Variants in ICE1 observed in about 807,000 individuals in gnomAD.
ICE1 encodes the protein little elongation complex subunit 1.
A neutral mutation model predicts 192.7 loss-of-function variants in ICE1; 64 were observed. That is an observed-to-expected ratio of 0.33 (90% confidence interval 0.27 to 0.41). The LOEUF is 0.41. Ranked by LOEUF, ICE1 falls within the 10% of genes least tolerant of loss-of-function variation. The probability of loss-of-function intolerance (pLI) is 1.00; values close to 1 mark genes in which losing one functional copy is unlikely to be tolerated. For synonymous variants in ICE1, 1,010 were observed against 984.5 expected (o/e 1.03, Z -0.49); for missense variants, 2,708 against 2,696.0 (o/e 1.00, Z -0.10).
intron 12 of ICE1, among the ~76,000 whole-genome samples, chr5:5,460,074 C>G (rs1738721319): frequency 6.6e-6 from 1 of 152,162 alleles, no homozygotes; most frequent in African/African-American, 2.4e-5. Context: ...CAGAGGCCAG[C>G]AACCTGGGTC....
chr5:5,455,134 T>G (rs530784923), intron 11 of ICE1, among the ~76,000 whole-genome samples: 1 of 152,328 alleles, frequency 6.6e-6, no homozygotes, highest in East Asian at 1.9e-4. Context: ...TGCTTCTTAT[T>G]TAGCTTTTTG....
Position 5,486,743 on chromosome 5 carries a change from G to A in ICE1, c.6543G>A (p.Leu2181=). The change falls in exon 18 of 19, where the codon TTG becomes TTA. Residue 2181 remains leucine (L), a synonymous_variant. Transcript: ENST00000296564. ...TAGGTCGTTTAGGCCAATTGGGTTT[G>A]AAAGAAGGATTTCCATCTGCTGTGA... ...RLIGRLGQLG[L]KEGFPSAVKN... The A allele has an allele frequency of 6.2e-7, 1 of 1,600,864 alleles. No individual in the cohort carries two copies. Among genetic ancestry groups the A allele is most frequent in the Non-Finnish European group, 8.5e-7 (1 of 1,172,832 alleles).
At chr5:5,465,993 A>T (rs915175037) in intron 13 of ICE1, among the ~76,000 whole-genome samples, 1 of 152,226 alleles carries the variant, frequency 6.6e-6, no homozygotes. Flanking sequence ...TCATATACTC[A>T]CACAGATTAC....
chr5:5,461,745 G>C lies in ICE1; in HGVS notation c.2411G>C (p.Ser804Thr), dbSNP rs1357085198. 8.1e-6 allele frequency: 13 copies of C among 1,613,742 alleles called. No individual in the cohort carries two copies. In the South Asian group the frequency reaches 1.4e-4, roughly 18 times the overall value. ...TTATTAAGGAAAGGTGGCGAAGAAA[G>C]TCTGAGAGCCAAATCAGAACATGAA... ...SDLLRKGGEE[S>T]LRAKSEHEQK... Residue 804 changes from serine to threonine, a missense_variant, in exon 13 of 19, where the codon AGT (serine) becomes ACT (threonine). Ser to Thr is a moderately conservative substitution (Grantham distance 58, BLOSUM62 1). Around this residue, in one of 2 missense-constraint regions of ICE1, gnomAD observed 2,366 missense variants for 2,276.6 expected, o/e 1.04. Transcript: ENST00000296564.
intron 1 of ICE1, among the ~76,000 whole-genome samples, chr5:5,426,269 A>T (rs956567194): frequency 6.6e-6 from 1 of 152,040 alleles, no homozygotes; most frequent in Non-Finnish European, 1.5e-5. Flanking sequence ...AGATGGTGAA[A>T]CCCCGTCTCT....
At chr5:5,448,369 G>A (rs1204332390) in intron 10 of ICE1, among the ~76,000 whole-genome samples, 3 of 152,070 alleles carry the variant, frequency 2.0e-5, no homozygotes, top group Admixed American at 2.0e-4. Flanking sequence ...AAAAGTGGTG[G>A]TCACGGAACA....
At chr5:5,468,519 T>C (rs1739058553) in intron 14 of ICE1, among the ~76,000 whole-genome samples, 1 of 152,268 alleles carries the variant, frequency 6.6e-6, no homozygotes, top group Non-Finnish European at 1.5e-5. Flanking sequence ...ATGTGTTCAA[T>C]GAGTAAATGT....
intron 15 of ICE1, among the ~76,000 whole-genome samples, chr5:5,472,978 A>G (rs1473978417): frequency 1.3e-5 from 2 of 152,222 alleles, no homozygotes; most frequent in African/African-American, 4.8e-5. Context: ...CATTAACAGT[A>G]GTCAAAAGTG....
intron 16 of ICE1, among the ~76,000 whole-genome samples, chr5:5,475,552 C>T (rs1195706951): frequency 6.6e-6 from 1 of 152,216 alleles, no homozygotes; most frequent in East Asian, 1.9e-4. Flanking sequence ...CAGTTTTCCT[C>T]TGGCTTAGCT....
At chr5:5,480,405 A>G (rs1204526592) in intron 17 of ICE1, among the ~76,000 whole-genome samples, 1 of 151,418 alleles carries the variant, frequency 6.6e-6, no homozygotes, top group Non-Finnish European at 1.5e-5. Context: ...GCCCGCCACC[A>G]CGCCCGGCTA....
Position 5,463,125 on chromosome 5 carries a change from C to G in ICE1, c.3791C>G (p.Thr1264Ser), listed in dbSNP as rs372858748. 1.9e-6 allele frequency: 3 copies of G among 1,613,008 alleles called. No homozygotes were observed. The highest frequency in any genetic ancestry group is 2.5e-6 in the Non-Finnish European group (3 of 1,179,534). The change falls in exon 13 of 19, where the codon ACC becomes AGC. Residue 1264 changes from threonine to serine, a missense_variant. Around this residue, in one of 2 missense-constraint regions of ICE1, gnomAD observed 2,366 missense variants for 2,276.6 expected, o/e 1.04. Coordinates refer to ENST00000296564, the MANE Select transcript of ICE1 (RefSeq NM_015325.3). ...CSLETLSEVL[T>S]KIRQELQTNS... ...TTGGAAACTCTGTCTGAGGTTCTGA[C>G]CAAGATTAGGCAAGAACTTCAAACA...
intron 17 of ICE1, among the ~76,000 whole-genome samples, chr5:5,479,613 T>C (rs1402756363): frequency 2.0e-5 from 3 of 152,182 alleles, no homozygotes; most frequent in Non-Finnish European, 4.4e-5. Context: ...CAAAGAATTA[T>C]AAATCATTCC....
intron 18 of ICE1, among the ~76,000 whole-genome samples, chr5:5,488,627 T>C (rs1474617098): frequency 7.0e-6 from 1 of 143,362 alleles, no homozygotes; most frequent in African/African-American, 2.6e-5. Flanking sequence ...ATGTATAACT[T>C]AGCTGTAATC....
rs1279130466 is a variant in ICE1 at position 5,454,627 on chromosome 5, G to A, written c.680G>A (p.Arg227Lys). ...TTHRLPGEGS[R>K]CVPEKPAKAI... ...CACAGACTACCTGGTGAAGGCAGCA[G>A]GTGTGTCCCAGGTGAGAGAGAAGCT... Residue 227 changes from arginine (R) to lysine (K), a missense_variant, in exon 11 of 19, where the codon AGG (arginine) becomes AAG (lysine). Arg to Lys is a conservative substitution (Grantham distance 26). Around this residue, in one of 2 missense-constraint regions of ICE1, gnomAD observed 2,366 missense variants for 2,276.6 expected, o/e 1.04. Transcript: ENST00000296564. The A allele has an allele frequency of 1.9e-6, 3 of 1,613,202 alleles. No homozygotes were observed. Among genetic ancestry groups the A allele is most frequent in the Non-Finnish European group, 2.5e-6 (3 of 1,179,406 alleles).
chr5:5,429,406 C>G (rs551521488), intron 1 of ICE1, among the ~76,000 whole-genome samples: 2 of 152,240 alleles, frequency 1.3e-5, no homozygotes, highest in East Asian at 1.9e-4. Flanking sequence ...TGCTAAGGAT[C>G]GTGTTCTCAG....
In ICE1 at chr5:5,464,784, G is replaced by C. The variant is rs914703652; in HGVS notation, c.5450G>C (p.Cys1817Ser). ...VKTGSSSGGDCNQDKSRDLGT... is the reference protein window; with the variant it reads ...VKTGSSSGGDSNQDKSRDLGT... Reference sequence around the variant, plus strand: ...ACTGGGAGCAGCTCTGGTGGTGACTGTAACCAAGACAAGTCAAGAGATTTG... The same window carrying C: ...ACTGGGAGCAGCTCTGGTGGTGACTCTAACCAAGACAAGTCAAGAGATTTG... Residue 1817 changes from cysteine to serine, a missense_variant, in exon 13 of 19, where the codon TGT becomes TCT. By Grantham distance (112) the Cys-to-Ser change is moderately radical. This residue lies in a region of ICE1 where 2,366 missense variants were observed against 2,276.6 expected (regional missense o/e 1.04). Transcript: ENST00000296564. The surrounding 1 kb of genome is among the most constrained non-coding windows in gnomAD (Gnocchi z 4.0). The C allele has an allele frequency of 3.1e-6, 5 of 1,613,574 alleles. No homozygotes were observed. In the African/African-American group the frequency reaches 6.7e-5, roughly 22 times the overall value.
intron 12 of ICE1, among the ~76,000 whole-genome samples, chr5:5,460,059 G>GA (rs1293888126): frequency 1.3e-5 from 2 of 152,208 alleles, no homozygotes; most frequent in East Asian, 3.8e-4. Context: ...AGAGGGCCGT[G>GA]AAGCCAGAGG....
rs1187733048 is a variant in ICE1 at position 5,464,587 on chromosome 5, C to T, written c.5253C>T (p.Ile1751=). Residue 1751 remains isoleucine, a synonymous_variant, in exon 13 of 19, where the codon ATC becomes ATT. Coordinates refer to ENST00000296564, the MANE Select transcript of ICE1 (RefSeq NM_015325.3). This position sits in a 1 kb window ranked among gnomAD's most constrained non-coding sequence, Gnocchi z 4.0. ...GGCCTCAGGAGAATTCTGTGAAAAT[C>T]CTTGACACCATGTATCCAGAGTTAT... ...VGGPQENSVK[I]LDTMYPELSA... 2.5e-6 allele frequency: 4 copies of T among 1,611,830 alleles called. No homozygotes were observed. The highest frequency in any genetic ancestry group is 3.4e-6 in the Non-Finnish European group (4 of 1,178,738).
intron 1 of ICE1, among the ~76,000 whole-genome samples, chr5:5,433,697 A>G (rs1355863815): frequency 1.3e-5 from 2 of 152,136 alleles, no homozygotes; most frequent in Non-Finnish European, 2.9e-5. Flanking sequence ...TAAAGACCCT[A>G]TTTCTAAATA....
Sources: gnomAD v4.1 joint callset for allele counts (sites outside exome capture counted in the v4.1 genomes callset) on GRCh38, gnomAD v4.1.1 for gene constraint, gnomAD v4.1.1 regional missense constraint, Gnocchi (gnomAD v3.1) non-coding constraint, MANE v1.5 for transcripts, NCBI Gene and HGNC (gene_info 2026-07-23, HGNC 2026-07-21) for gene names.